IGSF21: variants seen among roughly 807,000 people sequenced by gnomAD.
IGSF21 encodes immunoglobin superfamily member 21.
Under a neutral mutation model 46.8 loss-of-function variants are expected in IGSF21, and 28 were observed. That is an observed-to-expected ratio of 0.60 (90% CI 0.44 to 0.82). The LOEUF (loss-of-function observed/expected upper bound fraction) is 0.82. IGSF21 is among the 40% of genes least tolerant of loss of function. The pLI is 0.00. For synonymous variants in IGSF21, 284 were observed against 273.6 expected, an observed-to-expected ratio of 1.04 and a Z score of -0.38; for missense variants, 624 against 665.5, an observed-to-expected ratio of 0.94 and a Z score of 0.69.
At chr1:18,247,406 G>A (rs1394650161) in intron 2 of IGSF21, among the ~76,000 whole-genome samples, 5 of 152,140 alleles carry the variant, frequency 3.3e-5, no homozygotes, top group Admixed American at 2.0e-4. Flanking sequence ...ACGTGTCTTT[G>A]TTGCCCTGGG....
chr1:18,364,978 A>G (rs1012831139), intron 5 of IGSF21, among the ~76,000 whole-genome samples: 16 of 152,164 alleles, frequency 1.1e-4, no homozygotes, highest in African/African-American at 3.9e-4. Context: ...AAAAAACCTC[A>G]TCAGTTGGTA....
rs574550638 is a variant in IGSF21 at position 18,223,375 on chromosome 1, A to G, written c.71-4523A>G. ...TGGGGGATACCACCCAGAATTCCCA[A>G]GAGACCCCATCAAGTAGTATGTTCT... On this transcript the variant is annotated intron_variant, in intron 1 of 9. Coordinates refer to ENST00000251296, the MANE Select transcript of IGSF21 (RefSeq NM_032880.5). 6.6e-5 allele frequency among the ~76,000 whole-genome samples: 10 copies of G among 152,340 alleles called. No individual in the cohort carries two copies. In the East Asian group the frequency reaches 1.9e-3, roughly 29 times the overall value.
At position 18,108,290 on chromosome 1, in the gene IGSF21, G is replaced by A. The variant is rs532005635; in HGVS notation, c.70+92G>A. The A allele has an allele frequency of 6.6e-6, 8 of 1,220,144 alleles. No individual in the cohort carries two copies. The South Asian group carries it at 1.7e-4, about 26-fold the overall frequency. 75.6% of individuals were successfully genotyped at this position (1,220,144 alleles called of 1,614,324 possible). A position where few individuals can be genotyped will look rare whatever the true frequency, so the allele number is the denominator to read the frequency against. ...GGCGCTGGCCGGGGTCGCTCCGAGAGGCTCGGGCTACGAGCACCGGTCCTG... is the reference window on the plus strand; with the variant it reads ...GGCGCTGGCCGGGGTCGCTCCGAGAAGCTCGGGCTACGAGCACCGGTCCTG... On this transcript the variant is annotated intron_variant, in intron 1 of 9. Coordinates refer to ENST00000251296, the MANE Select transcript of IGSF21 (RefSeq NM_032880.5).
chr1:18,359,507 G>C (rs954185982), intron 4 of IGSF21, among the ~76,000 whole-genome samples: 1 of 72,958 alleles, frequency 1.4e-5, no homozygotes, highest in African/African-American at 6.5e-5. Context: ...AAGGAAGGAA[G>C]GAAGGAAAAG....
chr1:18,375,218 C>T (rs1255017817), intron 6 of IGSF21, among the ~76,000 whole-genome samples: 2 of 152,232 alleles, frequency 1.3e-5, no homozygotes, highest in Admixed American at 1.3e-4. Context: ...GAAGTGGGAG[C>T]TCCATGTCAG....
At chr1:18,171,480 G>A (rs1294509111) in intron 1 of IGSF21, among the ~76,000 whole-genome samples, 5 of 152,246 alleles carry the variant, frequency 3.3e-5, no homozygotes, top group African/African-American at 1.2e-4. Context: ...CTGAGGAAGG[G>A]GTGTAGCAGA....
intron 1 of IGSF21, among the ~76,000 whole-genome samples, chr1:18,147,997 C>T (rs2086485900): frequency 6.6e-6 from 1 of 152,124 alleles, no homozygotes; most frequent in Non-Finnish European, 1.5e-5. Context: ...TTTTCTCTTG[C>T]CTGCCGCCAT....
chr1:18,316,947 G>C (rs1233574719), intron 3 of IGSF21, among the ~76,000 whole-genome samples: 3 of 152,110 alleles, frequency 2.0e-5, no homozygotes, highest in African/African-American at 7.2e-5. Flanking sequence ...GCTGCAAGTA[G>C]ACAGAGTGGC....
At chr1:18,129,132 G>C (rs1217997328) in intron 1 of IGSF21, among the ~76,000 whole-genome samples, 1 of 152,166 alleles carries the variant, frequency 6.6e-6, no homozygotes, top group East Asian at 1.9e-4. Context: ...TACTGTAAGA[G>C]GGAGATACGT....
chr1:18,279,210 T>C (rs1373441749), intron 2 of IGSF21, among the ~76,000 whole-genome samples: 2 of 152,206 alleles, frequency 1.3e-5, no homozygotes, highest in East Asian at 3.9e-4. Context: ...CACCCATCTC[T>C]TGTAGCCATC....
intron 1 of IGSF21, among the ~76,000 whole-genome samples, chr1:18,133,410 T>A (rs1396435335): frequency 6.6e-6 from 1 of 152,266 alleles, no homozygotes; most frequent in Admixed American, 6.5e-5. Flanking sequence ...ACACAGCCGC[T>A]GTGTGGCCCT....
chr1:18,268,122 C>A (rs1274275037), intron 2 of IGSF21, among the ~76,000 whole-genome samples: 1 of 152,252 alleles, frequency 6.6e-6, no homozygotes, highest in Non-Finnish European at 1.5e-5. Flanking sequence ...GAATGAACGA[C>A]TTGGCCTCTC....
intron 6 of IGSF21, among the ~76,000 whole-genome samples, chr1:18,366,988 G>A (rs184069033): frequency 2.9e-3 from 444 of 152,314 alleles, no homozygotes; most frequent in Middle Eastern, 0.014. Flanking sequence ...GGATGGGCAC[G>A]ATGACCTGTG....
intron 1 of IGSF21, among the ~76,000 whole-genome samples, chr1:18,184,358 T>G (rs1484465677): frequency 6.6e-6 from 1 of 152,074 alleles, no homozygotes; most frequent in Non-Finnish European, 1.5e-5. Flanking sequence ...CCCCAGGGCC[T>G]CCACTCTCTT....
At chr1:18,248,691 C>T (rs2084807154) in intron 2 of IGSF21, among the ~76,000 whole-genome samples, 1 of 152,190 alleles carries the variant, frequency 6.6e-6, no homozygotes, top group Admixed American at 6.5e-5. Context: ...ATCCTTCATT[C>T]CTCCAACATT....
At chr1:18,279,947 G>A (rs2085142867) in intron 2 of IGSF21, among the ~76,000 whole-genome samples, 1 of 152,246 alleles carries the variant, frequency 6.6e-6, no homozygotes, top group Admixed American at 6.5e-5. Context: ...GGGCCAGGCA[G>A]ATTGGCACAG....
chr1:18,193,580 G>A (rs2086978927), intron 1 of IGSF21, among the ~76,000 whole-genome samples: 1 of 152,104 alleles, frequency 6.6e-6, no homozygotes, highest in African/African-American at 2.4e-5. Context: ...GGGAGTCTAG[G>A]CCAGTCTAAC....
At chr1:18,149,520 G>T (rs1259601578) in intron 1 of IGSF21, among the ~76,000 whole-genome samples, 2 of 151,902 alleles carry the variant, frequency 1.3e-5, no homozygotes, top group African/African-American at 4.8e-5. Flanking sequence ...TGACTCCTCA[G>T]TCCTGGCTGG....
At chr1:18,240,094 C>G (rs2084712197) in intron 2 of IGSF21, among the ~76,000 whole-genome samples, 1 of 152,094 alleles carries the variant, frequency 6.6e-6, no homozygotes, top group South Asian at 2.1e-4. Context: ...CCTGGGCAAC[C>G]TGACAAAACC....
Sources: allele counts gnomAD v4.1 joint callset (sites outside exome capture counted in the v4.1 genomes callset), GRCh38; gene constraint gnomAD v4.1.1; transcripts MANE v1.5; gene names NCBI Gene and HGNC (gene_info 2026-07-23, HGNC 2026-07-21).